Variants in TNKS observed in about 807,000 individuals in gnomAD.
TNKS encodes the protein tankyrase.
TNKS carries 72 observed loss-of-function variants against 135.8 expected under a neutral mutation model. The ratio of observed to expected loss-of-function variants is 0.53; its 90% confidence interval spans 0.44 to 0.64. The LOEUF (loss-of-function observed/expected upper bound fraction) is 0.64, where lower values mean the gene tolerates loss of function less well. TNKS is among the 30% of genes least tolerant of loss of function. The probability of loss-of-function intolerance (pLI) is 0.00; values close to 1 mark genes in which losing one functional copy is unlikely to be tolerated. For synonymous variants in TNKS, 849 were observed against 649.3 expected (o/e 1.31, Z -4.68); for missense variants, 1,769 against 1,674.0 (o/e 1.06, Z -0.99).
In TNKS at chr8:9,571,511, G is replaced by A. The variant is rs1365888312; in HGVS notation, c.674-8648G>A. Among the ~76,000 whole-genome samples, 3 of 152,142 alleles carry A rather than the reference G, an allele frequency of 2.0e-5. No individual in the cohort carries two copies. The East Asian group carries it at 5.8e-4, about 29-fold the overall frequency. The stretch of plus-strand genomic sequence containing the variant: ...CTCACTCTGTCGCCCAGGCTGGAGT[G>A]CAGTGGTGCAATCTTGGCTCACTGC... On this transcript the variant is annotated intron_variant, in intron 1 of 26. Coordinates refer to ENST00000310430, the MANE Select transcript of TNKS (RefSeq NM_003747.3).
At chr8:9,577,452 G>A (rs1797991563) in intron 1 of TNKS, among the ~76,000 whole-genome samples, 1 of 152,200 alleles carries the variant, frequency 6.6e-6, no homozygotes, top group African/African-American at 2.4e-5. Context: ...GACTGTACAG[G>A]AAGCATGGCT....
rs564864349 is a variant in TNKS, at chr8:9,712,614, G to A, written c.1749+2394G>A. On this transcript the variant is annotated intron_variant, in intron 11 of 26. Coordinates refer to ENST00000310430, the MANE Select transcript of TNKS (RefSeq NM_003747.3). ...AAGTAATTAAAATATGTTTTGGACA[G>A]GTACCATAGCCTATGCCTTAATCCC... Among the ~76,000 whole-genome samples the A allele has an allele frequency of 4.6e-5, 7 of 152,214 alleles. No individual in the cohort carries two copies. The South Asian group carries it at 1.5e-3, about 32-fold the overall frequency.
intron 5 of TNKS, among the ~76,000 whole-genome samples, chr8:9,685,968 C>T (rs1415013672): frequency 6.6e-6 from 1 of 152,100 alleles, no homozygotes; most frequent in Non-Finnish European, 1.5e-5. Flanking sequence ...TTTCCAAATA[C>T]TGTGTTTGGC....
At chr8:9,559,186 C>G (rs1797222639) in intron 1 of TNKS, among the ~76,000 whole-genome samples, 1 of 152,034 alleles carries the variant, frequency 6.6e-6, no homozygotes, top group Non-Finnish European at 1.5e-5. Flanking sequence ...ACAACAAAAA[C>G]CTATAAAGTA....
chr8:9,634,007 A>G (rs928889022), intron 3 of TNKS, among the ~76,000 whole-genome samples: 14 of 151,898 alleles, frequency 9.2e-5, no homozygotes, highest in African/African-American at 3.1e-4. Context: ...TGTCATTTCC[A>G]GATGTAATTT....
At chr8:9,728,615 G>C (rs996335303) in intron 13 of TNKS, among the ~76,000 whole-genome samples, 3 of 152,078 alleles carry the variant, frequency 2.0e-5, no homozygotes, top group Non-Finnish European at 4.4e-5. Context: ...TCCTTAGAGG[G>C]TGTTTATTAT....
chr8:9,610,463 C>A (rs944867123), intron 2 of TNKS, among the ~76,000 whole-genome samples: 8 of 151,768 alleles, frequency 5.3e-5, no homozygotes, highest in African/African-American at 1.2e-4. Context: ...ACGCAAGGAT[C>A]TATCGTGTTT....
At chr8:9,700,357 C>G (rs1275812224) in intron 5 of TNKS, among the ~76,000 whole-genome samples, 2 of 152,162 alleles carry the variant, frequency 1.3e-5, no homozygotes, top group Non-Finnish European at 2.9e-5. Flanking sequence ...ACTGATTTCG[C>G]TTTCCTTGTT....
At position 9,777,906 on chromosome 8, in the gene TNKS, T is replaced by C. The variant is rs1240831117; in HGVS notation, c.*1170T>C. The C allele has an allele frequency of 6.6e-6, 1 of 152,648 alleles. No individual in the cohort carries two copies. Among genetic ancestry groups the C allele is most frequent in the Non-Finnish European group, 1.5e-5 (1 of 68,044 alleles). 9.5% of individuals were successfully genotyped at this position (152,648 alleles called of 1,614,324 possible). A position where few individuals can be genotyped will look rare whatever the true frequency, so the allele number is the denominator to read the frequency against. ...CAAATGCAAGGACTTTTTTGTTTAC[T>C]CCAGATTTGGGGTTTATTTTGAGTG... On this transcript the variant is annotated 3_prime_UTR_variant, in exon 27 of 27. Transcript: ENST00000310430.
chr8:9,650,604 G>T (rs1193906928), intron 3 of TNKS, among the ~76,000 whole-genome samples: 1 of 151,998 alleles, frequency 6.6e-6, no homozygotes, highest in Non-Finnish European at 1.5e-5. Flanking sequence ...TTGGCCACTT[G>T]TGTATCTTCT....
chr8:9,735,965 G>C (rs191606477), intron 17 of TNKS, among the ~76,000 whole-genome samples: 1 of 151,780 alleles, frequency 6.6e-6, no homozygotes, highest in East Asian at 1.9e-4. Flanking sequence ...TCCCGGCTAA[G>C]CTTAACTACC....
At chr8:9,645,382 AAC>A (rs1233023998) in intron 3 of TNKS, among the ~76,000 whole-genome samples, 2 of 152,178 alleles carry the variant, frequency 1.3e-5, no homozygotes, top group Non-Finnish European at 2.9e-5. Flanking sequence ...GATGTTAGTA[AAC>A]AGTTTTATGC....
intron 11 of TNKS, among the ~76,000 whole-genome samples, chr8:9,717,735 C>T (rs562732509): frequency 5.9e-5 from 9 of 152,048 alleles, no homozygotes; most frequent in Non-Finnish European, 1.3e-4. Flanking sequence ...AACTTAAAAT[C>T]TAATTGTCTA....
chr8:9,620,297 G>C (rs533499752), intron 3 of TNKS, among the ~76,000 whole-genome samples: 14 of 152,112 alleles, frequency 9.2e-5, no homozygotes, highest in African/African-American at 3.1e-4. Context: ...CAGTAATTCA[G>C]GTCTACCGTA....
At chr8:9,752,733 T>C in intron 20 of TNKS, 107 bp downstream of exon 20, 3 of 700,782 alleles carry the variant, frequency 4.3e-6, no homozygotes, top group Non-Finnish European at 6.8e-6. Flanking sequence ...TTCGGCAGGA[T>C]TGCTTGAGCC....
At chr8:9,629,365 G>T (rs1313828903) in intron 3 of TNKS, among the ~76,000 whole-genome samples, 1 of 152,200 alleles carries the variant, frequency 6.6e-6, no homozygotes, top group Non-Finnish European at 1.5e-5. Context: ...CCTTAAGTCT[G>T]TTCTCTACAT....
rs910807759 is a variant in TNKS, at chr8:9,556,830, T to A, written c.673+218T>A. The A allele has an allele frequency of 3.5e-5, 21 of 596,044 alleles. No homozygotes were observed. The East Asian group carries it at 6.0e-4, about 17-fold the overall frequency. The allele number at this position is 596,044 out of a possible 1,614,324, so 36.9% of individuals were successfully genotyped here. A position where few individuals can be genotyped will look rare whatever the true frequency, so the allele number is the denominator to read the frequency against. On this transcript the variant is annotated intron_variant, in intron 1 of 26. Coordinates refer to ENST00000310430, the MANE Select transcript of TNKS (RefSeq NM_003747.3). The stretch of plus-strand genomic sequence containing the variant: ...TGAATCCAAGGAATTCTTCAGTGGT[T>A]GCACAGTACTCATTACAAAACTCAC...
chr8:9,773,724 G>GA (rs11431406), intron 26 of TNKS, among the ~76,000 whole-genome samples: 24,041 of 148,548 alleles, frequency 0.16, 2,506 homozygotes, highest in Admixed American at 0.27. Flanking sequence ...TTATTTGAAA[G>GA]AAAAAAAAAA....
intron 18 of TNKS, among the ~76,000 whole-genome samples, chr8:9,750,411 C>T (rs941756661): frequency 6.6e-6 from 1 of 152,222 alleles, no homozygotes; most frequent in Non-Finnish European, 1.5e-5. Context: ...CAGATAAACA[C>T]ACCAGTCCAG....
Sources: gnomAD v4.1 joint callset for allele counts (sites outside exome capture counted in the v4.1 genomes callset) on GRCh38, gnomAD v4.1.1 for gene constraint, MANE v1.5 for transcripts, NCBI Gene and HGNC (gene_info 2026-07-23, HGNC 2026-07-21) for gene names.